ANKS1B: variants seen among roughly 807,000 people sequenced by gnomAD.
ANKS1B encodes the protein ankyrin repeat and sterile alpha motif domain-containing protein 1B.
Under a neutral mutation model 148.3 loss-of-function variants are expected in ANKS1B, and 36 were observed. The ratio of observed to expected loss-of-function variants is 0.24; its 90% CI spans 0.19 to 0.32. The LOEUF is 0.32. Ranked by LOEUF, ANKS1B falls within the 10% of genes least tolerant of loss-of-function variation. ANKS1B has a pLI of 1.00. For synonymous variants in ANKS1B, 542 were observed against 560.8 expected, an observed-to-expected ratio of 0.97 and a Z score of 0.47; for missense variants, 1,157 against 1,542.6, an observed-to-expected ratio of 0.75 and a Z score of 4.19.
intron 12 of ANKS1B, among the ~76,000 whole-genome samples, chr12:99,302,224 A>G (rs1264602408): frequency 6.6e-6 from 1 of 152,158 alleles, no homozygotes; most frequent in Non-Finnish European, 1.5e-5. Context: ...TATGTACATG[A>G]CAAAAGAATT....
At chr12:99,486,903 C>T (rs1397414306) in intron 10 of ANKS1B, among the ~76,000 whole-genome samples, 2 of 152,162 alleles carry the variant, frequency 1.3e-5, no homozygotes, top group African/African-American at 2.4e-5. Flanking sequence ...TGCAGTAACC[C>T]TGACATGTTT....
chr12:99,622,751 A>T (rs1168266723), intron 9 of ANKS1B, among the ~76,000 whole-genome samples: 1 of 152,080 alleles, frequency 6.6e-6, no homozygotes, highest in Non-Finnish European at 1.5e-5. Context: ...TGAATCAGTA[A>T]GAAAAAACTT....
chr12:99,198,186 T>C (rs933382939), intron 14 of ANKS1B, among the ~76,000 whole-genome samples: 2 of 152,168 alleles, frequency 1.3e-5, no homozygotes, highest in Non-Finnish European at 2.9e-5. Context: ...CGCTATAGTA[T>C]TTAAAGTGCT....
chr12:98,795,514 T>C (rs11612058), intron 22 of ANKS1B: 3,829 of 376,978 alleles, frequency 0.01, 29 homozygotes, highest in Non-Finnish European at 0.016. Context: ...AAACTTTATT[T>C]TTCTAGCCTA....
At chr12:98,871,989 T>C (rs2099671592) in intron 17 of ANKS1B, among the ~76,000 whole-genome samples, 1 of 152,228 alleles carries the variant, frequency 6.6e-6, no homozygotes, top group African/African-American at 2.4e-5. Flanking sequence ...AAATCTAGGA[T>C]GTTTATAATA....
intron 9 of ANKS1B, among the ~76,000 whole-genome samples, chr12:99,606,669 T>C (rs904435349): frequency 6.6e-6 from 1 of 152,112 alleles, no homozygotes; most frequent in Non-Finnish European, 1.5e-5. Context: ...TCTCTATTAC[T>C]TAATTTCACT....
At chr12:99,314,113 T>C (rs2083623079) in intron 12 of ANKS1B, among the ~76,000 whole-genome samples, 1 of 152,104 alleles carries the variant, frequency 6.6e-6, no homozygotes, top group African/African-American at 2.4e-5. Flanking sequence ...AGCATTCCTA[T>C]ACACCAACAA....
At chr12:99,750,412 A>C (rs2060996273) in intron 8 of ANKS1B, among the ~76,000 whole-genome samples, 1 of 152,138 alleles carries the variant, frequency 6.6e-6, no homozygotes, top group Non-Finnish European at 1.5e-5. Flanking sequence ...TCATGTTTAT[A>C]CTACTACCTA....
At chr12:99,322,228 A>G (rs566410459) in intron 12 of ANKS1B, among the ~76,000 whole-genome samples, 2 of 152,324 alleles carry the variant, frequency 1.3e-5, no homozygotes, top group South Asian at 4.1e-4. Context: ...GCTGGAAGCC[A>G]TCATCCTCAG....
At chr12:98,840,522 G>A (rs201400) in intron 17 of ANKS1B, among the ~76,000 whole-genome samples, 92,990 of 152,008 alleles carry the variant, frequency 0.61, 28,842 homozygotes, top group East Asian at 0.79. Flanking sequence ...TTTTCTGAAT[G>A]TAGTCTGTCT....
rs368128929 is a variant in ANKS1B at position 99,581,657 on chromosome 12, G to A, written c.1272+73410C>T. 4.6e-5 allele frequency among the ~76,000 whole-genome samples: 7 copies of A among 152,140 alleles called. No homozygotes were observed. In the South Asian group the frequency reaches 6.2e-4, roughly 13 times the overall value. The stretch of plus-strand genomic sequence containing the variant: ...TGTAATCCCAGCACTTTGGGAGGCC[G>A]AGGCGGGTGGATCATGAGGTCAGGA... On this transcript the variant is annotated intron_variant, in intron 9 of 26. Coordinates refer to ENST00000683438, the MANE Select transcript of ANKS1B (RefSeq NM_001352186.2).
chr12:99,904,348 T>C (rs7315178), intron 1 of ANKS1B, among the ~76,000 whole-genome samples: 1 of 151,776 alleles, frequency 6.6e-6, no homozygotes, highest in African/African-American at 2.4e-5. Flanking sequence ...TGTGCCACCA[T>C]GCCTCAGTAA....
rs1454015260 is a variant in ANKS1B at position 98,967,631 on chromosome 12, A to AGAGGGGAGGGGAGGGGAGGGGAGGG, written c.2778+85525_2778+85526insCCCTCCCCTCCCCTCCCCTCCCCTC. On this transcript the variant is annotated intron_variant, in intron 17 of 26. Coordinates refer to ENST00000683438, the MANE Select transcript of ANKS1B (RefSeq NM_001352186.2). ...AGAGATGAAGGGAAGAGAGGGTAGAAGAGGGGAGGGGAGGGAAGAGGAGGG... is the reference window on the plus strand; with the variant it reads ...AGAGATGAAGGGAAGAGAGGGTAGAAGAGGGGAGGGGAGGGGAGGGGAGGGGAGGGGAGGGGAGGGAAGAGGAGGG... 6.9e-4 allele frequency among the ~76,000 whole-genome samples: 53 copies of AGAGGGGAGGGGAGGGGAGGGGAGGG among 76,740 alleles called. 2 individuals carry two copies. The East Asian group carries it at 0.014, about 21-fold the overall frequency. The allele number at this position is 76,740 out of a possible 152,430, so 50.3% of individuals were successfully genotyped here. A position where few individuals can be genotyped will look rare whatever the true frequency, so the allele number is the denominator to read the frequency against.
At position 99,777,176 on chromosome 12, in the gene ANKS1B, C is replaced by T. The variant is rs185960385; in HGVS notation, c.848-1515G>A. Among the ~76,000 whole-genome samples the T allele has an allele frequency of 1.4e-3, 207 of 152,258 alleles. 1 individual carries two copies. Among genetic ancestry groups the T allele is most frequent in the African/African-American group, 4.9e-3 (205 of 41,546 alleles). On this transcript the variant is annotated intron_variant, in intron 6 of 26. Transcript: ENST00000683438. ...TCATACAGAGCATTTGCTTATACTT[C>T]TTTATTCAAGAACCTTTTTCTTAAA...
intron 17 of ANKS1B, among the ~76,000 whole-genome samples, chr12:99,014,832 C>T (rs1034353453): frequency 1.3e-5 from 2 of 152,134 alleles, no homozygotes; most frequent in African/African-American, 4.8e-5. Context: ...TACCATCTTA[C>T]ACCAGTCTGA....
At chr12:99,912,612 A>G (rs866482496) in intron 1 of ANKS1B, among the ~76,000 whole-genome samples, 1 of 152,120 alleles carries the variant, frequency 6.6e-6, no homozygotes. Context: ...TCAGCCTCCC[A>G]AAGTACTGGG....
In ANKS1B at chr12:99,679,712, T is replaced by C. The variant is rs560914199; in HGVS notation, c.1129-24502A>G. Reference sequence around the variant, plus strand: ...ACCAAATTATTATCAAATTCTTAACTGTAACATCAGAAGTTAGAACACAAT... The same window carrying C: ...ACCAAATTATTATCAAATTCTTAACCGTAACATCAGAAGTTAGAACACAAT... On this transcript the variant is annotated intron_variant, in intron 8 of 26. Coordinates refer to ENST00000683438, the MANE Select transcript of ANKS1B (RefSeq NM_001352186.2). Among the ~76,000 whole-genome samples the C allele has an allele frequency of 5.3e-5, 8 of 152,308 alleles. No individual in the cohort carries two copies. In the South Asian group the frequency reaches 8.3e-4, roughly 16 times the overall value.
chr12:99,824,706 C>A (rs2082950483), intron 2 of ANKS1B, among the ~76,000 whole-genome samples: 2 of 152,026 alleles, frequency 1.3e-5, no homozygotes, highest in Admixed American at 1.3e-4. Context: ...AGCTAAAATA[C>A]TGGAAATAGA....
chr12:99,245,159 G>A (rs925202296), intron 13 of ANKS1B, among the ~76,000 whole-genome samples: 1 of 152,104 alleles, frequency 6.6e-6, no homozygotes, highest in Non-Finnish European at 1.5e-5. Flanking sequence ...CCGGCCTGGA[G>A]CAAGTTCTAA....
Sources: gnomAD v4.1 joint callset for allele counts (sites outside exome capture counted in the v4.1 genomes callset) on GRCh38, gnomAD v4.1.1 for gene constraint, MANE v1.5 for transcripts, NCBI Gene and HGNC (gene_info 2026-07-23, HGNC 2026-07-21) for gene names.